The following HDAC9 variants were observed in gnomAD, a reference collection of about 807,000 sequenced individuals.
HDAC9 encodes the protein histone deacetylase 9.
A neutral mutation model predicts 139.4 loss-of-function variants in HDAC9; 41 were observed. That is an observed-to-expected ratio of 0.29 (90% CI 0.23 to 0.38). The LOEUF (loss-of-function observed/expected upper bound fraction) is 0.38, where lower values mean the gene tolerates loss of function less well. HDAC9 is among the 10% of genes least tolerant of loss of function. The pLI is 1.00. For synonymous variants in HDAC9, 517 were observed against 476.2 expected, an observed-to-expected ratio of 1.09 and a Z score of -1.12; for missense variants, 1,147 against 1,297.0, an observed-to-expected ratio of 0.88 and a Z score of 1.78.
intron 2 of HDAC9, among the ~76,000 whole-genome samples, chr7:18,497,277 C>T (rs756179264): frequency 6.6e-6 from 1 of 152,116 alleles, no homozygotes; most frequent in Non-Finnish European, 1.5e-5. Flanking sequence ...TGGGCTTAAT[C>T]GTAATTATAG....
At chr7:18,363,266 G>GTA (rs1208117021) in intron 1 of HDAC9, among the ~76,000 whole-genome samples, 2 of 152,060 alleles carry the variant, frequency 1.3e-5, no homozygotes, top group African/African-American at 2.4e-5. Flanking sequence ...GTCAGATGAG[G>GTA]TATATATATC....
intron 14 of HDAC9, among the ~76,000 whole-genome samples, chr7:18,753,642 A>G (rs1788634914): frequency 6.6e-6 from 1 of 152,162 alleles, no homozygotes; most frequent in Non-Finnish European, 1.5e-5. Context: ...TCCAAACAGT[A>G]GACTGATCCA....
intron 25 of HDAC9, among the ~76,000 whole-genome samples, chr7:18,977,919 G>GAC (rs147049392): frequency 0.027 from 3,874 of 140,894 alleles, 80 homozygotes; most frequent in South Asian, 0.052. Context: ...CAGACAGACA[G>GAC]ACACACACAC....
At chr7:18,571,968 C>T (rs1178508003) in intron 2 of HDAC9, among the ~76,000 whole-genome samples, 20 of 142,416 alleles carry the variant, frequency 1.4e-4, no homozygotes, top group African/African-American at 4.9e-4. Context: ...ACCAATGAAA[C>T]TTTTTTTTTT....
At chr7:18,995,411 G>A (rs905562992) in intron 25 of HDAC9, among the ~76,000 whole-genome samples, 6 of 152,216 alleles carry the variant, frequency 3.9e-5, no homozygotes, top group African/African-American at 1.4e-4. Flanking sequence ...AAATTTTCAA[G>A]CAATTAGTTT....
Position 18,522,724 on chromosome 7 carries a change from C to A in HDAC9, c.22+26400C>A, listed in dbSNP as rs142852449. On this transcript the variant is annotated intron_variant, in intron 2 of 25. Transcript: ENST00000686413. ...GTAGGTGAGGTAATTGAAATGGAGC[C>A]CATGATATGTCTTAAGAAGGATTAA... is the stretch of plus-strand genomic sequence containing the variant. 4.7e-3 allele frequency among the ~76,000 whole-genome samples: 715 copies of A among 151,872 alleles called. 6 individuals are homozygous for A. Among genetic ancestry groups the A allele is most frequent in the African/African-American group, 0.016 (662 of 41,412 alleles).
chr7:18,541,696 G>A (rs1302132752), intron 2 of HDAC9, among the ~76,000 whole-genome samples: 1 of 152,010 alleles, frequency 6.6e-6, no homozygotes, highest in African/African-American at 2.4e-5. Flanking sequence ...GAAATACAAG[G>A]GCCCTCTCTA....
At position 18,169,632 on chromosome 7, in the gene HDAC9, C is replaced by A. The variant is rs142656804; in HGVS notation, c.25+7283C>A. 7.9e-5 allele frequency among the ~76,000 whole-genome samples: 12 copies of A among 152,120 alleles called. No individual in the cohort carries two copies. The East Asian group carries it at 2.3e-3, about 30-fold the overall frequency. Reference sequence around the variant, plus strand: ...CCCTGTCCCCCACCGCACGACAGGCCCCGGTGTGTGATGTTCCCCGCCCTA... The same window carrying A: ...CCCTGTCCCCCACCGCACGACAGGCACCGGTGTGTGATGTTCCCCGCCCTA... On this transcript the variant is annotated intron_variant, in intron 2 of 12. Coordinates refer to the HDAC9 transcript ENST00000417496.
chr7:18,163,932 C>G (rs1787830098), intron 2 of HDAC9, among the ~76,000 whole-genome samples: 1 of 152,112 alleles, frequency 6.6e-6, no homozygotes, highest in Non-Finnish European at 1.5e-5. Context: ...AAATGAAAAT[C>G]TCACTTGAAG....
chr7:18,939,486 A>G (rs1234450410), intron 23 of HDAC9, among the ~76,000 whole-genome samples: 1 of 152,226 alleles, frequency 6.6e-6, no homozygotes, highest in African/African-American at 2.4e-5. Context: ...AAAACACATT[A>G]AAGAATGGAG....
chr7:18,537,419 C>T (rs1586794715), intron 2 of HDAC9, among the ~76,000 whole-genome samples: 1 of 152,094 alleles, frequency 6.6e-6, no homozygotes, highest in African/African-American at 2.4e-5. Context: ...GATTGTGCTG[C>T]ACTCATCTCC....
At chr7:18,800,825 C>G (rs1793224906) in intron 17 of HDAC9, among the ~76,000 whole-genome samples, 1 of 151,676 alleles carries the variant, frequency 6.6e-6, no homozygotes, top group Admixed American at 6.6e-5. Context: ...AGAGCGAGGC[C>G]TTGTTTCAAA....
intron 1 of HDAC9, among the ~76,000 whole-genome samples, chr7:18,148,142 C>G (rs1257195653): frequency 6.6e-6 from 1 of 152,136 alleles, no homozygotes; most frequent in African/African-American, 2.4e-5. Context: ...GCTACTGAAA[C>G]AAATTATCCT....
At chr7:18,511,068 A>T (rs1242809562) in intron 2 of HDAC9, among the ~76,000 whole-genome samples, 1 of 152,228 alleles carries the variant, frequency 6.6e-6, no homozygotes, top group East Asian at 1.9e-4. Flanking sequence ...TGGTGAACAA[A>T]TGTATGCCAG....
At chr7:18,540,298 G>C (rs563342205) in intron 2 of HDAC9, among the ~76,000 whole-genome samples, 160 of 150,128 alleles carry the variant, frequency 1.1e-3, no homozygotes, top group Non-Finnish European at 1.9e-3. Flanking sequence ...AAAAAAGGTT[G>C]GGTGGGAAAG....
At chr7:18,267,467 T>A (rs1470044997) in intron 2 of HDAC9, among the ~76,000 whole-genome samples, 3 of 152,104 alleles carry the variant, frequency 2.0e-5, no homozygotes, top group African/African-American at 7.2e-5. Context: ...ACACTGTTAT[T>A]AGTACCTACC....
intron 1 of HDAC9, among the ~76,000 whole-genome samples, chr7:18,453,675 A>C (rs1386728655): frequency 6.6e-6 from 1 of 152,082 alleles, no homozygotes; most frequent in African/African-American, 2.4e-5. Flanking sequence ...ATCATAACTT[A>C]TTTTGTTTTG....
rs529446526 is a variant in HDAC9 at position 18,262,607 on chromosome 7, T to C, written c.25+100258T>C. Among the ~76,000 whole-genome samples, 5 of 152,354 alleles carry C rather than the reference T, an allele frequency of 3.3e-5. No homozygotes were observed. The East Asian group carries it at 5.8e-4, about 18-fold the overall frequency. ...AAGACAGTATAACTGTATTTTTGTTTGTAACATTTTTTCTTCTGTCTGATT... is the reference window on the plus strand; with the variant it reads ...AAGACAGTATAACTGTATTTTTGTTCGTAACATTTTTTCTTCTGTCTGATT... On this transcript the variant is annotated intron_variant, in intron 2 of 12. Coordinates refer to the HDAC9 transcript ENST00000417496.
At chr7:18,243,092 C>A (rs1455251556) in intron 2 of HDAC9, among the ~76,000 whole-genome samples, 5 of 152,128 alleles carry the variant, frequency 3.3e-5, no homozygotes, top group Non-Finnish European at 7.4e-5. Flanking sequence ...TTCCTTCTTT[C>A]TTTTTTCCCC....
Sources: gnomAD v4.1 joint callset for allele counts (sites outside exome capture counted in the v4.1 genomes callset) on GRCh38, gnomAD v4.1.1 for gene constraint, MANE v1.5 for transcripts, NCBI Gene and HGNC (gene_info 2026-07-23, HGNC 2026-07-21) for gene names.